The following PRKCB variants were observed in gnomAD, a reference collection of about 807,000 sequenced individuals.
The protein encoded by PRKCB is protein kinase C beta.
A neutral mutation model predicts 81.5 loss-of-function variants in PRKCB; 13 were observed. That is an observed-to-expected ratio of 0.16 (90% CI 0.10 to 0.25). The LOEUF (loss-of-function observed/expected upper bound fraction) is 0.25, where lower values mean the gene tolerates loss of function less well. Ranked by LOEUF, PRKCB falls within the 10% of genes least tolerant of loss-of-function variation. The pLI is 1.00. For synonymous variants in PRKCB, 335 were observed against 321.4 expected (o/e 1.04, Z -0.45); for missense variants, 509 against 875.7 (o/e 0.58, Z 5.29).
Position 23,836,085 on chromosome 16 carries a change from G to A in PRKCB, c.-91G>A. The A allele has an allele frequency of 1.1e-6, 1 of 947,438 alleles. No homozygotes were observed. Among genetic ancestry groups the A allele is most frequent in the Non-Finnish European group, 1.3e-6 (1 of 790,178 alleles). 58.7% of individuals were successfully genotyped at this position (947,438 alleles called of 1,614,324 possible). On this transcript the variant is annotated 5_prime_UTR_variant, in exon 1 of 17. Coordinates refer to ENST00000643927, the MANE Select transcript of PRKCB (RefSeq NM_002738.7). The stretch of plus-strand genomic sequence containing the variant: ...GCCCGCGGCCCCGGGTGCAGCAGCG[G>A]CCGCCGCCTCCCGCGCCTCCCCGGC...
chr16:24,210,077 C>G lies in PRKCB; in HGVS notation c.1864-4581C>G, dbSNP rs1279630448. The stretch of plus-strand genomic sequence containing the variant: ...GCTGCAGTGAGCTGTGATCATGCCT[C>G]TGACTCAAGCATGGGCAACAGAGCA... On this transcript the variant is annotated intron_variant, in intron 16 of 16. Coordinates refer to ENST00000643927, the MANE Select transcript of PRKCB (RefSeq NM_002738.7). Among the ~76,000 whole-genome samples, 3 of 152,278 alleles carry G rather than the reference C, an allele frequency of 2.0e-5. No individual in the cohort carries two copies. The East Asian group carries it at 5.8e-4, about 29-fold the overall frequency.
chr16:23,837,737 ACCTGTCCT>A (rs1326568295), intron 2 of PRKCB, among the ~76,000 whole-genome samples: 1 of 151,950 alleles, frequency 6.6e-6, no homozygotes, highest in Non-Finnish European at 1.5e-5. Context: ...TTCTGGGAGA[ACCTGTCCT>A]CCTTAGTTCC....
At chr16:23,848,004 C>T (rs763619059) in intron 2 of PRKCB, among the ~76,000 whole-genome samples, 5 of 152,106 alleles carry the variant, frequency 3.3e-5, no homozygotes, top group South Asian at 2.1e-4. Context: ...TGGGAGTTCC[C>T]GGATTGACAA....
At chr16:24,089,195 G>T (rs1966345312) in intron 5 of PRKCB, among the ~76,000 whole-genome samples, 1 of 152,192 alleles carries the variant, frequency 6.6e-6, no homozygotes, top group South Asian at 2.1e-4. Flanking sequence ...CTTAATGTGT[G>T]TCTTATAGAC....
At chr16:23,927,595 C>T (rs946663088) in intron 2 of PRKCB, among the ~76,000 whole-genome samples, 13 of 151,780 alleles carry the variant, frequency 8.6e-5, no homozygotes, top group East Asian at 1.9e-4. Flanking sequence ...GGTTAGGAGG[C>T]GGTGGTAGTA....
At chr16:23,918,838 A>C (rs1228468757) in intron 2 of PRKCB, among the ~76,000 whole-genome samples, 3 of 152,276 alleles carry the variant, frequency 2.0e-5, no homozygotes, top group Non-Finnish European at 4.4e-5. Flanking sequence ...ATAAATGAAA[A>C]AAAATAGAGT....
chr16:24,128,324 G>A (rs1322861225), intron 9 of PRKCB, among the ~76,000 whole-genome samples: 3 of 152,168 alleles, frequency 2.0e-5, no homozygotes, highest in South Asian at 2.1e-4. Context: ...GCAGTGAGCC[G>A]AGATCGTGCC....
At chr16:23,994,195 T>C (rs1026637593) in intron 3 of PRKCB, among the ~76,000 whole-genome samples, 3 of 152,194 alleles carry the variant, frequency 2.0e-5, no homozygotes, top group Non-Finnish European at 4.4e-5. Context: ...ACACTGATTC[T>C]AGGAGACCTA....
intron 10 of PRKCB, among the ~76,000 whole-genome samples, chr16:24,155,752 T>C (rs920427793): frequency 4.6e-5 from 7 of 152,236 alleles, no homozygotes; most frequent in Non-Finnish European, 1.0e-4. Flanking sequence ...CCTCTCACTT[T>C]AATTCTTTTC....
At chr16:24,200,242 T>A (rs1230719153) in intron 16 of PRKCB, among the ~76,000 whole-genome samples, 1 of 152,194 alleles carries the variant, frequency 6.6e-6, no homozygotes, top group East Asian at 1.9e-4. Flanking sequence ...TTCTGGTTGT[T>A]CTTTTGGGGT....
intron 3 of PRKCB, among the ~76,000 whole-genome samples, chr16:24,018,576 T>A (rs1403649301): frequency 6.6e-6 from 1 of 152,216 alleles, no homozygotes; most frequent in African/African-American, 2.4e-5. Flanking sequence ...ACCCCTATAT[T>A]GACATGGACT....
intron 2 of PRKCB, among the ~76,000 whole-genome samples, chr16:23,906,836 C>A (rs1963567850): frequency 6.6e-6 from 1 of 152,202 alleles, no homozygotes; most frequent in East Asian, 1.9e-4. Context: ...GGATTTTATA[C>A]TCATTTTCTG....
At chr16:23,846,031 C>G (rs1962361212) in intron 2 of PRKCB, among the ~76,000 whole-genome samples, 1 of 152,220 alleles carries the variant, frequency 6.6e-6, no homozygotes, top group Admixed American at 6.5e-5. Flanking sequence ...CTTCCTCACC[C>G]TGTGTCCATC....
chr16:24,006,789 G>T (rs1313668427), intron 3 of PRKCB, among the ~76,000 whole-genome samples: 1 of 151,196 alleles, frequency 6.6e-6, no homozygotes, highest in East Asian at 1.9e-4. Flanking sequence ...CGCTGTGGGG[G>T]TAGGATGGCT....
chr16:23,913,129 G>C (rs1963687239), intron 2 of PRKCB, among the ~76,000 whole-genome samples: 1 of 152,136 alleles, frequency 6.6e-6, no homozygotes, highest in Non-Finnish European at 1.5e-5. Flanking sequence ...GGTTCAAGGA[G>C]GTGGACACCA....
chr16:24,005,759 T>A (rs927138505), intron 3 of PRKCB, among the ~76,000 whole-genome samples: 1 of 152,198 alleles, frequency 6.6e-6, no homozygotes, highest in Non-Finnish European at 1.5e-5. Flanking sequence ...ACCACCTTGA[T>A]CTTCAGGGCA....
chr16:23,843,819 A>G (rs150199444), intron 2 of PRKCB, among the ~76,000 whole-genome samples: 3,583 of 102,880 alleles, frequency 0.035, 174 homozygotes, highest in African/African-American at 0.13. Flanking sequence ...AAAAAAAAAT[A>G]GAAGATACAG....
intron 2 of PRKCB, among the ~76,000 whole-genome samples, chr16:23,875,920 C>T (rs1168286273): frequency 6.6e-6 from 1 of 152,140 alleles, no homozygotes; most frequent in East Asian, 1.9e-4. Context: ...AGTCTGCATT[C>T]CTTCATGGCA....
At position 24,020,976 on chromosome 16, in the gene PRKCB, T is replaced by TTTCTTTCTTTCTTTC. The variant is rs1195937545; in HGVS notation, c.289-11158_289-11157insCTTTCTTTCTTTCTT. Among the ~76,000 whole-genome samples, 228 of 96,740 alleles carry TTTCTTTCTTTCTTTC rather than the reference T, an allele frequency of 2.4e-3. 4 individuals carry two copies. The highest frequency in any genetic ancestry group is 5.4e-3 in the African/African-American group (133 of 24,466). The allele number at this position is 96,740 out of a possible 152,430, so 63.5% of individuals were successfully genotyped here. On this transcript the variant is annotated intron_variant, in intron 3 of 16. Coordinates refer to ENST00000643927, the MANE Select transcript of PRKCB (RefSeq NM_002738.7). ...CATTCAGACTGAGAGAGACTTTTCT[T>TTTCTTTCTTTCTTTC]TTTCTTTCTTTCTTTCTTTCTTTCT...
Sources: gnomAD v4.1 joint callset for allele counts (sites outside exome capture counted in the v4.1 genomes callset) on GRCh38, gnomAD v4.1.1 for gene constraint, MANE v1.5 for transcripts, NCBI Gene and HGNC (gene_info 2026-07-23, HGNC 2026-07-21) for gene names.